The following CARD19 variants were observed in gnomAD, a reference collection of about 807,000 sequenced individuals.
CARD19 encodes caspase recruitment domain family member 19, also known as caspase recruitment domain-containing protein 19.
CARD19 carries 25 observed loss-of-function variants against 24.1 expected under a neutral mutation model. The observed-to-expected ratio is 1.04, with a 90% CI of 0.76 to 1.45. The LOEUF (loss-of-function observed/expected upper bound fraction) is 1.45. Among genes scored for constraint, CARD19 ranks in the 40% most tolerant of loss-of-function variants. The pLI, the probability that CARD19 is intolerant of heterozygous loss-of-function variation, is 0.00. For synonymous variants in CARD19, 103 were observed against 104.9 expected, an observed-to-expected ratio of 0.98 and a Z score of 0.11; for missense variants, 241 against 247.4, an observed-to-expected ratio of 0.97 and a Z score of 0.17.
intron 1 of CARD19, among the ~76,000 whole-genome samples, chr9:93,101,592 A>G (rs913054346): frequency 5.9e-5 from 9 of 152,028 alleles, no homozygotes; most frequent in African/African-American, 2.2e-4. Flanking sequence ...GGTACCCGCC[A>G]TCACACCCAG....
intron 2 of CARD19, 143 bp downstream of exon 2, chr9:93,107,959 G>A: frequency 8.7e-7 from 1 of 1,145,622 alleles, no homozygotes; most frequent in Non-Finnish European, 1.2e-6. Flanking sequence ...TGACACATCT[G>A]GACCTGGCTA....
At chr9:93,098,887 A>C (rs1826979114) in intron 1 of CARD19, among the ~76,000 whole-genome samples, 1 of 144,880 alleles carries the variant, frequency 6.9e-6, no homozygotes, top group African/African-American at 2.6e-5. Flanking sequence ...CTTGGACCAT[A>C]CATTGCAGAA....
In CARD19 at chr9:93,113,169, A is replaced by AGC. The variant is rs1827579160; in HGVS notation, c.*62_*63insGC. The AGC allele has an allele frequency of 8.9e-6, 9 of 1,007,552 alleles. No homozygotes were observed. The highest frequency in any genetic ancestry group is 1.3e-5 in the Non-Finnish European group (9 of 686,866). 62.4% of individuals were successfully genotyped at this position (1,007,552 alleles called of 1,614,324 possible). ...CAAAGAGTCCTCGAGCCGGCCCGCC[A>AGC]AGGGGACTGCTGCTTCTTTTTCTAA... On this transcript the variant is annotated 3_prime_UTR_variant, in exon 6 of 6. Transcript: ENST00000375464.
At chr9:93,102,836 G>T (rs182282778) in intron 1 of CARD19, among the ~76,000 whole-genome samples, 16 of 152,052 alleles carry the variant, frequency 1.1e-4, no homozygotes, top group African/African-American at 3.9e-4. Context: ...CAGTGTACAA[G>T]ATTTTTGCCT....
chr9:93,107,809 C>T lies in CARD19; in HGVS notation c.143C>T (p.Ala48Val), dbSNP rs752738422. 6.6e-5 allele frequency: 107 copies of T among 1,614,026 alleles called. No individual in the cohort carries two copies. The highest frequency in any genetic ancestry group is 1.6e-4 in the Middle Eastern group (1 of 6,084). The change falls in exon 2 of 6, where the codon GCG becomes GTG. Residue 48 changes from alanine to valine, a missense_variant. By Grantham distance (64) the Ala-to-Val change is moderately conservative. Coordinates refer to ENST00000375464, the MANE Select transcript of CARD19 (RefSeq NM_032310.5). ...CCACAGATCCTTACCAACAAGGAGGCGGAAAAGGTGCTGAGGAGGTGAGGG... is the reference window on the plus strand; with the variant it reads ...CCACAGATCCTTACCAACAAGGAGGTGGAAAAGGTGCTGAGGAGGTGAGGG... ...YYPQILTNKE[A>V]EKFRNPKASL...
At position 93,113,100 on chromosome 9, in the gene CARD19, G is replaced by T; in HGVS notation, c.545G>T (p.Gly182Val). 3 of 1,567,006 alleles carry T rather than the reference G, an allele frequency of 1.9e-6. No homozygotes were observed. The highest frequency in any genetic ancestry group is 2.6e-6 in the Non-Finnish European group (3 of 1,155,072). ...GCCTTCCTGGCAGATGACCTAGGGGGGCTCTGACAGACCCTGGACCCAGGG... is the reference window on the plus strand; with the variant it reads ...GCCTTCCTGGCAGATGACCTAGGGGTGCTCTGACAGACCCTGGACCCAGGG... ...LLAFLADDLG[G>V]L Residue 182 changes from glycine to valine, a missense_variant, in exon 6 of 6, where the codon GGG becomes GTG. Physicochemically the swap from Gly to Val is moderately radical, Grantham distance 109 (BLOSUM62 -3). Transcript: ENST00000375464.
At chr9:93,102,208 G>C (rs981295679) in intron 1 of CARD19, among the ~76,000 whole-genome samples, 4 of 151,492 alleles carry the variant, frequency 2.6e-5, no homozygotes, top group South Asian at 2.1e-4. Flanking sequence ...GTGACCTCAG[G>C]TCATCTGCTC....
At chr9:93,110,751 T>C in intron 3 of CARD19, 30 bp downstream of exon 3, 4 of 1,598,802 alleles carry the variant, frequency 2.5e-6, no homozygotes, top group Non-Finnish European at 3.4e-6. Flanking sequence ...CCATGCATGC[T>C]TGGTGCTGGC....
chr9:93,102,482 T>C (rs1289719923), intron 1 of CARD19, among the ~76,000 whole-genome samples: 2 of 152,228 alleles, frequency 1.3e-5, no homozygotes, highest in African/African-American at 4.8e-5. Flanking sequence ...TTTTTCACTT[T>C]CTTTTTTTCC....
intron 1 of CARD19, among the ~76,000 whole-genome samples, chr9:93,102,668 A>G (rs1304982005): frequency 5.0e-5 from 7 of 139,108 alleles, no homozygotes; most frequent in Non-Finnish European, 9.5e-5. Flanking sequence ...TTTTTTTTTT[A>G]AGATTTTTGT....
At chr9:93,111,413 G>C (rs1827478823) in intron 3 of CARD19, 2 of 1,081,732 alleles carry the variant, frequency 1.8e-6, no homozygotes, top group East Asian at 7.8e-5. Context: ...TTGGCCCTTA[G>C]ACAACAGGAC....
rs2119049956 is a variant in CARD19 at position 93,096,623 on chromosome 9, C to A, written c.7+271C>A. Among the ~76,000 whole-genome samples the A allele has an allele frequency of 6.6e-6, 1 of 152,332 alleles. No homozygotes were observed. Among genetic ancestry groups the A allele is most frequent in the South Asian group, 2.1e-4 (1 of 4,828 alleles). On this transcript the variant is annotated intron_variant, in intron 1 of 5. Coordinates refer to ENST00000375464, the MANE Select transcript of CARD19 (RefSeq NM_032310.5). The surrounding 1 kb of genome is among the most constrained non-coding windows in gnomAD (Gnocchi z 5.4). ...GTGCGGGGCCCGAAGAGGGCGGGGG[C>A]TACAAGGCAGCTCCAGGGTGGGGCT...
intron 4 of CARD19, 77 bp downstream of exon 4, chr9:93,112,015 C>A: frequency 1.3e-6 from 2 of 1,529,376 alleles, no homozygotes; most frequent in Non-Finnish European, 8.8e-7. Flanking sequence ...GCTCCATCTC[C>A]GCCTCAGGGG....
chr9:93,111,995 C>T, intron 4 of CARD19, 57 bp downstream of exon 4: 3 of 1,567,892 alleles, frequency 1.9e-6, no homozygotes, highest in South Asian at 2.3e-5. Context: ...CTCTCTTTAC[C>T]CTCCCCAGGG....
intron 1 of CARD19, among the ~76,000 whole-genome samples, chr9:93,097,131 A>T (rs759152242): frequency 6.6e-6 from 1 of 152,136 alleles, no homozygotes; most frequent in African/African-American, 2.4e-5. Context: ...AAGGGACCCC[A>T]TGGCAGCCCG....
At chr9:93,112,049 C>T in intron 4 of CARD19, 111 bp downstream of exon 4, 1 of 1,442,214 alleles carries the variant, frequency 6.9e-7, no homozygotes, top group South Asian at 1.2e-5. Context: ...AGTCTGGCTC[C>T]ATTCCTGGCC....
chr9:93,110,648 C>T lies in CARD19; in HGVS notation c.231C>T (p.Cys77=). 3 of 1,613,774 alleles carry T rather than the reference C, an allele frequency of 1.9e-6. No individual in the cohort carries two copies. The change falls in exon 3 of 6, where the codon TGC becomes TGT. Residue 77 remains cysteine, a synonymous_variant. Coordinates refer to ENST00000375464, the MANE Select transcript of CARD19 (RefSeq NM_032310.5). ...TGCAGCGGAGCGGTGAGCGGGACTG[C>T]CAGGAGTTCTACCGAGCCCTGTATA... The part of the protein sequence containing the change: ...SHLQRSGERD[C]QEFYRALYIH...
rs760697828 is a variant in CARD19, at chr9:93,110,558, G to A, written c.151-10G>A. 6.3e-7 allele frequency: 1 copy of A among 1,587,294 alleles called. No individual in the cohort carries two copies. Among genetic ancestry groups the A allele is most frequent in the South Asian group, 1.2e-5 (1 of 86,734 alleles). ...GCCTGATCTTCCCTGGCACCCCCTT[G>A]TACCCTCAGTTCCGGAACCCCAAGG... On this transcript the variant is annotated splice_polypyrimidine_tract_variant and intron_variant, in intron 2 of 5. Coordinates refer to ENST00000375464, the MANE Select transcript of CARD19 (RefSeq NM_032310.5).
At chr9:93,108,407 C>G (rs1827343643) in intron 2 of CARD19, among the ~76,000 whole-genome samples, 2 of 152,176 alleles carry the variant, frequency 1.3e-5, no homozygotes, top group African/African-American at 4.8e-5. Flanking sequence ...GATGCTGACT[C>G]ACCCCACAGC....
Sources: gnomAD v4.1 joint callset for allele counts (sites outside exome capture counted in the v4.1 genomes callset) on GRCh38, gnomAD v4.1.1 for gene constraint, Gnocchi (gnomAD v3.1) non-coding constraint, MANE v1.5 for transcripts, NCBI Gene and HGNC (gene_info 2026-07-23, HGNC 2026-07-21) for gene names.